GUCY1A2: variants seen among roughly 807,000 people sequenced by gnomAD.
GUCY1A2 encodes guanylate cyclase soluble subunit alpha-2.
A neutral mutation model predicts 63.5 loss-of-function variants in GUCY1A2; 27 were observed. That is an observed-to-expected ratio of 0.43 (90% CI 0.31 to 0.59). The LOEUF (loss-of-function observed/expected upper bound fraction) is 0.59. GUCY1A2 is among the 20% of genes least tolerant of loss of function. The pLI is 0.11. For missense variants in GUCY1A2, 768 were observed against 913.3 expected (o/e 0.84, Z 2.05); for synonymous variants, 364 against 343.5 (o/e 1.06, Z -0.66).
chr11:106,680,923 G>T lies in GUCY1A2; in HGVS notation c.*6626C>A. 4.9e-6 allele frequency: 1 copy of T among 203,014 alleles called. No individual in the cohort carries two copies. Among genetic ancestry groups the T allele is most frequent in the Non-Finnish European group, 1.0e-5 (1 of 98,868 alleles). The allele number at this position is 203,014 out of a possible 1,614,324, so 12.6% of individuals were successfully genotyped here. A position where few individuals can be genotyped will look rare whatever the true frequency, so the allele number is the denominator to read the frequency against. ...AAGCTTATATGCTAAATCATAATCT[G>T]ATGTTTAGATACTGTTCAGTATAAA... On this transcript the variant is annotated 3_prime_UTR_variant, in exon 8 of 8. Coordinates refer to ENST00000526355, the MANE Select transcript of GUCY1A2 (RefSeq NM_000855.3).
At chr11:106,897,777 T>C (rs1307813168) in intron 4 of GUCY1A2, among the ~76,000 whole-genome samples, 1 of 151,426 alleles carries the variant, frequency 6.6e-6, no homozygotes, top group Non-Finnish European at 1.5e-5. Context: ...TACAAGATAA[T>C]ATAGAACAAC....
intron 3 of GUCY1A2, among the ~76,000 whole-genome samples, chr11:106,958,968 C>T (rs1435269734): frequency 6.6e-6 from 1 of 152,090 alleles, no homozygotes; most frequent in Non-Finnish European, 1.5e-5. Flanking sequence ...AATGTAGAGC[C>T]GTGAAAATGA....
At position 106,833,862 on chromosome 11, in the gene GUCY1A2, A is replaced by C. The variant is rs983683025; in HGVS notation, c.1207-23384T>G. 2.0e-5 allele frequency among the ~76,000 whole-genome samples: 3 copies of C among 152,050 alleles called. No individual in the cohort carries two copies. The East Asian group carries it at 5.8e-4, about 29-fold the overall frequency. On this transcript the variant is annotated intron_variant, in intron 4 of 7. Coordinates refer to ENST00000526355, the MANE Select transcript of GUCY1A2 (RefSeq NM_000855.3). ...ATAAAGAAAAAGAAGCTTTGAGAAG[A>C]GCTATGCAGTAGTCTCCGAGTGGCC...
At chr11:106,773,107 T>C (rs1174518913) in intron 6 of GUCY1A2, among the ~76,000 whole-genome samples, 2 of 152,108 alleles carry the variant, frequency 1.3e-5, no homozygotes, top group Admixed American at 1.3e-4. Context: ...ACTATGTTTA[T>C]CTTCCCTATT....
chr11:106,696,768 T>C (rs187894667), intron 7 of GUCY1A2, among the ~76,000 whole-genome samples: 6 of 152,300 alleles, frequency 3.9e-5, no homozygotes, highest in Non-Finnish European at 8.8e-5. Context: ...CAATGTTTTA[T>C]AGAAAATATT....
chr11:106,791,976 C>A (rs1864669636), intron 5 of GUCY1A2, among the ~76,000 whole-genome samples: 1 of 151,974 alleles, frequency 6.6e-6, no homozygotes, highest in Non-Finnish European at 1.5e-5. Flanking sequence ...ATACCAAAAC[C>A]TGGCAGAGAT....
chr11:106,966,551 A>G (rs1445877556), intron 3 of GUCY1A2, among the ~76,000 whole-genome samples: 1 of 152,254 alleles, frequency 6.6e-6, no homozygotes, highest in East Asian at 1.9e-4. Flanking sequence ...CCAAAAATAC[A>G]AAATATTCAA....
chr11:106,693,306 T>C (rs1271714974), intron 7 of GUCY1A2, among the ~76,000 whole-genome samples: 1 of 152,248 alleles, frequency 6.6e-6, no homozygotes, highest in Non-Finnish European at 1.5e-5. Context: ...ATTGACTTTC[T>C]CCTCAGTATT....
chr11:106,995,664 T>C (rs1411156715), intron 1 of GUCY1A2, among the ~76,000 whole-genome samples: 3 of 152,216 alleles, frequency 2.0e-5, no homozygotes, highest in Non-Finnish European at 4.4e-5. Context: ...ATATGTGTTA[T>C]GTGATGATTA....
chr11:106,957,855 CTTTTTTTTTTTTTTT>C (rs59519013), intron 3 of GUCY1A2, among the ~76,000 whole-genome samples: 58 of 87,254 alleles, frequency 6.6e-4, no homozygotes, highest in African/African-American at 2.0e-3. Flanking sequence ...AAGGGACAAA[CTTTTTTTTTTTTTTT>C]TTTTTTTTTT....
chr11:106,826,794 G>C, intron 4 of GUCY1A2: 1 of 1,610,206 alleles, frequency 6.2e-7, no homozygotes, highest in Non-Finnish European at 8.5e-7. Flanking sequence ...GCCAGACTGG[G>C]CTCAGCTGCC....
At chr11:106,828,920 TATTA>T (rs1859012876) in intron 4 of GUCY1A2, among the ~76,000 whole-genome samples, 1 of 152,238 alleles carries the variant, frequency 6.6e-6, no homozygotes, top group African/African-American at 2.4e-5. Flanking sequence ...TTAACAACTT[TATTA>T]ATGATTTTCC....
At chr11:106,942,977 A>C (rs1385670960) in intron 3 of GUCY1A2, among the ~76,000 whole-genome samples, 1 of 152,232 alleles carries the variant, frequency 6.6e-6, no homozygotes, top group Non-Finnish European at 1.5e-5. Context: ...ATTACATTAA[A>C]ATATTATGAA....
chr11:106,861,084 G>T (rs1168915704), intron 4 of GUCY1A2, among the ~76,000 whole-genome samples: 2 of 151,886 alleles, frequency 1.3e-5, no homozygotes, highest in Admixed American at 1.3e-4. Context: ...AACACAATGT[G>T]CTTGAGTCCT....
chr11:106,797,969 A>C (rs1864797236), intron 5 of GUCY1A2, among the ~76,000 whole-genome samples: 1 of 152,192 alleles, frequency 6.6e-6, no homozygotes, highest in South Asian at 2.1e-4. Context: ...AAAATCAATG[A>C]ATCCAGGAGC....
intron 6 of GUCY1A2, among the ~76,000 whole-genome samples, chr11:106,752,377 T>C (rs183302223): frequency 1.3e-5 from 2 of 152,328 alleles, no homozygotes; most frequent in East Asian, 1.9e-4. Flanking sequence ...AATATAGTTT[T>C]ATTATACTTT....
chr11:106,974,329 ATTC>A (rs2120105486), intron 3 of GUCY1A2, among the ~76,000 whole-genome samples: 1 of 152,264 alleles, frequency 6.6e-6, no homozygotes, highest in East Asian at 1.9e-4. Context: ...TGTTAAACAT[ATTC>A]TTATCTACTA....
chr11:106,894,950 T>A (rs1263474604), intron 4 of GUCY1A2, among the ~76,000 whole-genome samples: 1 of 151,718 alleles, frequency 6.6e-6, no homozygotes, highest in Non-Finnish European at 1.5e-5. Context: ...CAGAGAAAAG[T>A]CAATGAAAAC....
At chr11:106,807,868 T>C (rs751373153) in intron 5 of GUCY1A2, among the ~76,000 whole-genome samples, 1 of 152,186 alleles carries the variant, frequency 6.6e-6, no homozygotes, top group Non-Finnish European at 1.5e-5. Context: ...CCCTCAAACA[T>C]TGGACTCCAA....
Sources: gnomAD v4.1 joint callset for allele counts (sites outside exome capture counted in the v4.1 genomes callset) on GRCh38, gnomAD v4.1.1 for gene constraint, MANE v1.5 for transcripts, NCBI Gene and HGNC (gene_info 2026-07-23, HGNC 2026-07-21) for gene names.